Variants in MYO9A observed in about 807,000 individuals in gnomAD.
The protein encoded by MYO9A is unconventional myosin-IXa.
In MYO9A, 103 loss-of-function variants were observed where a neutral mutation model predicts 293.3. The ratio of observed to expected loss-of-function variants is 0.35; its 90% confidence interval spans 0.30 to 0.41. The LOEUF (loss-of-function observed/expected upper bound fraction) is 0.41. MYO9A is among the 10% of genes least tolerant of loss of function. The pLI, the probability that MYO9A is intolerant of heterozygous loss-of-function variation, is 1.00. For synonymous variants in MYO9A, 1,001 were observed against 1,035.7 expected (o/e 0.97, Z 0.64); for missense variants, 2,685 against 3,033.0 (o/e 0.89, Z 2.69).
intron 14 of MYO9A, among the ~76,000 whole-genome samples, chr15:71,956,856 C>A (rs993052075): frequency 1.9e-4 from 16 of 85,212 alleles, no homozygotes; most frequent in African/African-American, 6.3e-4. Context: ...CACACACACA[C>A]ACAAATATAT....
chr15:72,031,329 A>C (rs918192246), intron 3 of MYO9A, among the ~76,000 whole-genome samples: 1 of 152,098 alleles, frequency 6.6e-6, no homozygotes, highest in Non-Finnish European at 1.5e-5. Context: ...CTACCAAAAA[A>C]TACAAAATTA....
chr15:72,114,602 C>G (rs569076081), intron 1 of MYO9A: 14 of 152,256 alleles, frequency 9.2e-5, no homozygotes, highest in African/African-American at 3.4e-4. Flanking sequence ...GCTCTCTCTC[C>G]ACTGTTTTTG....
chr15:72,085,900 G>A (rs987971352), intron 1 of MYO9A, among the ~76,000 whole-genome samples: 1 of 152,146 alleles, frequency 6.6e-6, no homozygotes, highest in Non-Finnish European at 1.5e-5. Flanking sequence ...ATTTTAGGTG[G>A]CCAAGGTTCA....
chr15:72,104,037 A>T (rs1207339411), intron 1 of MYO9A, among the ~76,000 whole-genome samples: 1 of 152,222 alleles, frequency 6.6e-6, no homozygotes, highest in African/African-American at 2.4e-5. Context: ...ACAGTTTTTC[A>T]ACTTTAGCAC....
chr15:72,027,534 G>C (rs2077710875), intron 4 of MYO9A, among the ~76,000 whole-genome samples, 197 bp downstream of exon 4: 2 of 152,110 alleles, frequency 1.3e-5, no homozygotes, highest in Admixed American at 1.3e-4. Flanking sequence ...GTTTGCAATA[G>C]TTCTATATAC....
chr15:72,080,077 C>A (rs2079493314), intron 1 of MYO9A, among the ~76,000 whole-genome samples: 1 of 152,068 alleles, frequency 6.6e-6, no homozygotes, highest in Admixed American at 6.6e-5. Flanking sequence ...TTCCATTGCA[C>A]CCTCCTTTTA....
chr15:71,915,510 T>A (rs577373648), intron 19 of MYO9A, among the ~76,000 whole-genome samples: 6 of 152,090 alleles, frequency 3.9e-5, no homozygotes, highest in Non-Finnish European at 7.4e-5. Flanking sequence ...TGGTGAGAAT[T>A]ACCTAAAATA....
At chr15:71,851,565 T>C (rs2055649243) in intron 36 of MYO9A, among the ~76,000 whole-genome samples, 1 of 152,214 alleles carries the variant, frequency 6.6e-6, no homozygotes, top group Admixed American at 6.5e-5. Flanking sequence ...AGTTTGAACC[T>C]ATATCACAGT....
At chr15:71,942,339 C>T (rs2058800117) in intron 15 of MYO9A, among the ~76,000 whole-genome samples, 1 of 151,998 alleles carries the variant, frequency 6.6e-6, no homozygotes, top group South Asian at 2.1e-4. Flanking sequence ...TGATATAACT[C>T]TTTCCTAATA....
chr15:71,828,530 C>T (rs758127578), intron 40 of MYO9A, among the ~76,000 whole-genome samples: 12 of 152,064 alleles, frequency 7.9e-5, no homozygotes, highest in Admixed American at 3.9e-4. Context: ...GACCTCTAGA[C>T]GAAGAAAAAC....
intron 1 of MYO9A, among the ~76,000 whole-genome samples, chr15:72,056,337 C>A (rs1167416102): frequency 6.6e-6 from 1 of 152,122 alleles, no homozygotes. Context: ...ATAGAACCAG[C>A]CCAAATGCCC....
Position 71,898,456 on chromosome 15 carries a change from T to G in MYO9A, c.4047A>C (p.Ser1349=). 1.2e-6 allele frequency: 2 copies of G among 1,614,032 alleles called. No individual in the cohort carries two copies. Among genetic ancestry groups the G allele is most frequent in the Non-Finnish European group, 1.7e-6 (2 of 1,180,034 alleles). The part of the protein sequence containing the change: ...SQKSKLESVI[S]DEGDLQFPSP... ...ATGGAAACTGCAAGTCTCCTTCATC[T>G]GAAATGACAGACTCTAGTTTGCTCT... The change falls in exon 25 of 42, where the codon TCA becomes TCC. Residue 1349 remains serine, a synonymous_variant. Transcript: ENST00000356056.
chr15:72,036,923 G>T (rs541114398), intron 2 of MYO9A, among the ~76,000 whole-genome samples: 1 of 152,022 alleles, frequency 6.6e-6, no homozygotes, highest in East Asian at 1.9e-4. Context: ...GGGGGAAGGG[G>T]GATCTCCCTA....
intron 8 of MYO9A, among the ~76,000 whole-genome samples, chr15:72,001,580 A>G (rs568526319): frequency 4.4e-4 from 66 of 148,920 alleles, no homozygotes; most frequent in African/African-American, 1.6e-3. Context: ...AAAATAGATT[A>G]TAAGGAGGAG....
chr15:72,118,263 C>T (rs2081081676), upstream of MYO9A: 1 of 313,728 alleles, frequency 3.2e-6, no homozygotes, highest in Non-Finnish European at 5.8e-6. Context: ...CGCCCCCTTT[C>T]CTACGCCCCA....
At chr15:71,972,843 C>T (rs1252105723) in intron 12 of MYO9A, among the ~76,000 whole-genome samples, 1 of 151,982 alleles carries the variant, frequency 6.6e-6, no homozygotes, top group Non-Finnish European at 1.5e-5. Flanking sequence ...AGCTGCTATG[C>T]TCGGTTATTA....
At chr15:72,054,807 GA>G (rs2078674170) in intron 1 of MYO9A, among the ~76,000 whole-genome samples, 1 of 149,248 alleles carries the variant, frequency 6.7e-6, no homozygotes, top group Non-Finnish European at 1.5e-5. Flanking sequence ...AAAAACTGAA[GA>G]AAAAGAAGGT....
chr15:71,991,347 G>T, intron 10 of MYO9A, 110 bp from the exon 11 acceptor site: 1 of 812,748 alleles, frequency 1.2e-6, no homozygotes, highest in Non-Finnish European at 1.8e-6. Flanking sequence ...CAGTGTACAG[G>T]GGATTGTGTT....
chr15:71,977,099 A>G (rs893900634), intron 12 of MYO9A, among the ~76,000 whole-genome samples: 1 of 152,248 alleles, frequency 6.6e-6, no homozygotes, highest in African/African-American at 2.4e-5. Flanking sequence ...TACATAAAGC[A>G]TTATTTCTGA....
Sources: allele counts gnomAD v4.1 joint callset (sites outside exome capture counted in the v4.1 genomes callset), GRCh38; gene constraint gnomAD v4.1.1; transcripts MANE v1.5; gene names NCBI Gene and HGNC (gene_info 2026-07-23, HGNC 2026-07-21).